Variants in RAB7A observed in about 807,000 individuals in gnomAD.
The protein encoded by RAB7A is RAB7A, member RAS oncogene family.
A neutral mutation model predicts 24.5 loss-of-function variants in RAB7A; 2 were observed. The observed-to-expected ratio is 0.08, with a 90% CI of 0.03 to 0.26. RAB7A has a LOEUF of 0.26. Ranked by LOEUF, RAB7A falls within the 10% of genes least tolerant of loss-of-function variation. RAB7A has a pLI of 1.00. For synonymous variants in RAB7A, 100 were observed against 95.9 expected (o/e 1.04, Z -0.25); for missense variants, 118 against 255.7 (o/e 0.46, Z 3.67).
intron 1 of RAB7A, among the ~76,000 whole-genome samples, chr3:128,751,497 G>A (rs914454765): frequency 6.6e-6 from 1 of 152,174 alleles, no homozygotes; most frequent in Admixed American, 6.5e-5. Flanking sequence ...CTTGGATGGG[G>A]CCTGTAGCCT....
chr3:128,795,434 G>C lies in RAB7A; in HGVS notation c.53+14G>C. 1 of 1,606,828 alleles carries C rather than the reference G, an allele frequency of 6.2e-7. No homozygotes were observed. Among genetic ancestry groups the C allele is most frequent in the Admixed American group, 1.7e-5 (1 of 60,008 alleles). On this transcript the variant is annotated intron_variant, in intron 2 of 5. Coordinates refer to ENST00000265062, the MANE Select transcript of RAB7A (RefSeq NM_004637.6). ...GGGAGATTCTGGGTAAGTTACTCAT[G>C]AATTTGAGCTAACAGATTGGCTTAG...
At chr3:128,750,908 C>T (rs2070675031) in intron 1 of RAB7A, among the ~76,000 whole-genome samples, 1 of 152,204 alleles carries the variant, frequency 6.6e-6, no homozygotes, top group Admixed American at 6.5e-5. Context: ...TGGTGCCCTG[C>T]GTCTCAGCAG....
At chr3:128,782,516 A>G (rs1189902594) in intron 1 of RAB7A, among the ~76,000 whole-genome samples, 1 of 152,044 alleles carries the variant, frequency 6.6e-6, no homozygotes, top group Non-Finnish European at 1.5e-5. Context: ...TTCATGGCAC[A>G]AAGGCCTGCT....
chr3:128,779,109 T>C (rs1933158160), intron 1 of RAB7A, among the ~76,000 whole-genome samples: 1 of 152,206 alleles, frequency 6.6e-6, no homozygotes, highest in South Asian at 2.1e-4. Context: ...TGAAATAAAA[T>C]GACTTTTAAG....
At chr3:128,777,567 G>C (rs35653243) in intron 1 of RAB7A, among the ~76,000 whole-genome samples, 2 of 152,130 alleles carry the variant, frequency 1.3e-5, no homozygotes, top group Middle Eastern at 3.4e-3. Flanking sequence ...CAGGAGGACT[G>C]TCTCCAATCT....
chr3:128,776,188 G>T (rs1409305918), intron 1 of RAB7A, among the ~76,000 whole-genome samples: 14 of 152,006 alleles, frequency 9.2e-5, no homozygotes, highest in Admixed American at 7.2e-4. Context: ...TGTTCTCCAG[G>T]TTCATCCTCG....
intron 1 of RAB7A, among the ~76,000 whole-genome samples, chr3:128,769,400 G>C (rs751006863): frequency 6.6e-6 from 1 of 152,172 alleles, no homozygotes; most frequent in Non-Finnish European, 1.5e-5. Context: ...AAGATTAGCA[G>C]TGTTGAACAG....
intron 1 of RAB7A, among the ~76,000 whole-genome samples, chr3:128,734,624 G>A (rs73196988): frequency 0.053 from 8,116 of 152,040 alleles, 227 homozygotes; most frequent in Non-Finnish European, 0.058. Context: ...GTGGGGTGTA[G>A]ATCTAACCAT....
At chr3:128,759,944 A>G (rs1233526592) in intron 1 of RAB7A, among the ~76,000 whole-genome samples, 3 of 152,176 alleles carry the variant, frequency 2.0e-5, no homozygotes. Flanking sequence ...TCCCGACCTC[A>G]GGTGATCTGC....
intron 1 of RAB7A, among the ~76,000 whole-genome samples, chr3:128,774,473 T>C (rs1214336223): frequency 3.9e-5 from 6 of 152,082 alleles, no homozygotes; most frequent in South Asian, 4.2e-4. Context: ...TTTTTTTTTT[T>C]CTCCCAGAAA....
chr3:128,795,194 G>A, intron 1 of RAB7A, 166 bp from the exon 2 acceptor site: 1 of 683,800 alleles, frequency 1.5e-6, no homozygotes, highest in Non-Finnish European at 2.7e-6. Flanking sequence ...CAGAGTTTTG[G>A]TGAGTGATAC....
intron 1 of RAB7A, among the ~76,000 whole-genome samples, chr3:128,790,094 CT>C (rs1305824910): frequency 6.6e-6 from 1 of 152,176 alleles, no homozygotes; most frequent in African/African-American, 2.4e-5. Context: ...CGCCTGGCCC[CT>C]GGCTCTTTTC....
At chr3:128,756,057 G>A (rs576895179) in intron 1 of RAB7A, among the ~76,000 whole-genome samples, 30 of 152,236 alleles carry the variant, frequency 2.0e-4, no homozygotes, top group Non-Finnish European at 3.4e-4. Flanking sequence ...TTAACAACGG[G>A]CCGGGCACAG....
chr3:128,745,756 G>A (rs1032314726), intron 1 of RAB7A, among the ~76,000 whole-genome samples: 2 of 152,250 alleles, frequency 1.3e-5, no homozygotes, highest in African/African-American at 2.4e-5. Flanking sequence ...ATTGCTCCAG[G>A]TGGGATGGAG....
At chr3:128,733,501 A>G (rs73196981) in intron 1 of RAB7A, among the ~76,000 whole-genome samples, 2 of 152,360 alleles carry the variant, frequency 1.3e-5, no homozygotes, top group Admixed American at 6.5e-5. Flanking sequence ...TATCACAGAT[A>G]GAGTGGCTTA....
intron 1 of RAB7A, among the ~76,000 whole-genome samples, chr3:128,777,042 C>A (rs1933111409): frequency 6.6e-6 from 1 of 151,852 alleles, no homozygotes; most frequent in Non-Finnish European, 1.5e-5. Flanking sequence ...AGGTCCTTTG[C>A]CCATTTTAAA....
intron 3 of RAB7A, among the ~76,000 whole-genome samples, chr3:128,800,100 C>T (rs1933666394): frequency 1.3e-5 from 2 of 152,190 alleles, no homozygotes; most frequent in African/African-American, 2.4e-5. Context: ...CTGAAAAAAG[C>T]AGTAAGCCGT....
rs146092722 is a variant in RAB7A, at chr3:128,810,790, A to T, written c.529-2537A>T. ...TCTGCCCAGCCGAGTGCGGTGGCTC[A>T]TGCCTGTAATCCCAGCACTTCGGGA... On this transcript the variant is annotated intron_variant, in intron 5 of 5. Coordinates refer to ENST00000265062, the MANE Select transcript of RAB7A (RefSeq NM_004637.6). Among the ~76,000 whole-genome samples, 14 of 152,368 alleles carry T rather than the reference A, an allele frequency of 9.2e-5. No homozygotes were observed. The East Asian group carries it at 2.5e-3, about 27-fold the overall frequency.
chr3:128,768,700 G>C (rs1176931360), intron 1 of RAB7A, among the ~76,000 whole-genome samples: 7 of 151,504 alleles, frequency 4.6e-5, no homozygotes, highest in African/African-American at 1.5e-4. Context: ...CTGGAACTAA[G>C]GGCACATGCC....
Sources: allele counts gnomAD v4.1 joint callset (sites outside exome capture counted in the v4.1 genomes callset), GRCh38; gene constraint gnomAD v4.1.1; transcripts MANE v1.5; gene names NCBI Gene and HGNC (gene_info 2026-07-23, HGNC 2026-07-21).